STK24: variants seen among roughly 807,000 people sequenced by gnomAD.
STK24 encodes serine/threonine kinase 24.
STK24 carries 21 observed loss-of-function variants against 55.6 expected under a neutral mutation model. The observed-to-expected ratio is 0.38, with a 90% CI of 0.27 to 0.54. STK24 has a LOEUF of 0.54. Ranked by LOEUF, STK24 falls within the 20% of genes least tolerant of loss-of-function variation. STK24 has a pLI of 0.79. For missense variants in STK24, 383 were observed against 538.4 expected (o/e 0.71, Z 2.86); for synonymous variants, 200 against 215.2 (o/e 0.93, Z 0.62).
At chr13:98,520,991 C>T (rs1373023612) in intron 1 of STK24, among the ~76,000 whole-genome samples, 1 of 152,240 alleles carries the variant, frequency 6.6e-6, no homozygotes, top group Non-Finnish European at 1.5e-5. Flanking sequence ...GCGTGGTGGA[C>T]ATATACCCAA....
chr13:98,480,869 C>T (rs1233744934), intron 3 of STK24, among the ~76,000 whole-genome samples: 2 of 152,214 alleles, frequency 1.3e-5, no homozygotes, highest in Non-Finnish European at 2.9e-5. Flanking sequence ...AGACTGTAAG[C>T]GTGAACCACT....
chr13:98,530,171 G>A (rs1173391398), intron 1 of STK24, among the ~76,000 whole-genome samples: 1 of 152,012 alleles, frequency 6.6e-6, no homozygotes, highest in Non-Finnish European at 1.5e-5. Context: ...TTCTGTCTGT[G>A]GCCCCCAGAC....
At chr13:98,474,587 A>T (rs1005535226) in intron 5 of STK24, among the ~76,000 whole-genome samples, 7 of 152,016 alleles carry the variant, frequency 4.6e-5, no homozygotes, top group Admixed American at 2.0e-4. Flanking sequence ...CCAAACAAAC[A>T]TAGCCTGAGT....
chr13:98,571,065 G>C (rs148463809), intron 1 of STK24, among the ~76,000 whole-genome samples: 73 of 152,302 alleles, frequency 4.8e-4, no homozygotes, highest in African/African-American at 1.6e-3. Flanking sequence ...GGGCAGCTCT[G>C]AATCATCGGG....
intron 5 of STK24, among the ~76,000 whole-genome samples, chr13:98,469,540 C>CCG (rs998203914): frequency 7.4e-6 from 1 of 135,560 alleles, no homozygotes; most frequent in Non-Finnish European, 1.7e-5. Flanking sequence ...TGCATCCCCC[C>CCG]CCCCAAAAAA....
chr13:98,521,340 G>C (rs1177050624), intron 1 of STK24, among the ~76,000 whole-genome samples: 1 of 152,016 alleles, frequency 6.6e-6, no homozygotes. Flanking sequence ...GTCTTATGAC[G>C]GTCATACTTA....
intron 2 of STK24, among the ~76,000 whole-genome samples, chr13:98,494,817 G>A (rs1895184318): frequency 6.6e-6 from 1 of 152,226 alleles, no homozygotes. Flanking sequence ...GGTCAGACAT[G>A]CAAATCCAAG....
chr13:98,491,519 A>G (rs1184268313), intron 2 of STK24, among the ~76,000 whole-genome samples: 1 of 152,180 alleles, frequency 6.6e-6, no homozygotes, highest in Non-Finnish European at 1.5e-5. Context: ...GAACAAAACG[A>G]AGCAACTGAA....
At chr13:98,468,662 ACTG>A (rs2139272066) in intron 5 of STK24, among the ~76,000 whole-genome samples, 1 of 152,346 alleles carries the variant, frequency 6.6e-6, no homozygotes, top group African/African-American at 2.4e-5. Flanking sequence ...CATTACAGCT[ACTG>A]CTGTTTTCAA....
chr13:98,486,377 A>G (rs570810755), intron 2 of STK24, among the ~76,000 whole-genome samples: 1 of 152,130 alleles, frequency 6.6e-6, no homozygotes, highest in South Asian at 2.1e-4. Context: ...TGTGCCTCCA[A>G]TGAGATCCCA....
intron 2 of STK24, among the ~76,000 whole-genome samples, chr13:98,513,302 A>T (rs181213219): frequency 6.6e-6 from 1 of 152,208 alleles, no homozygotes; most frequent in East Asian, 1.9e-4. Context: ...CCCTAGAAAC[A>T]CCATTACTTA....
chr13:98,509,019 CAT>C (rs1437827042), intron 2 of STK24: 1 of 152,204 alleles, frequency 6.6e-6, no homozygotes, highest in Non-Finnish European at 1.5e-5. Flanking sequence ...CAGGCCAAAA[CAT>C]ATAGTTTTGG....
chr13:98,541,251 C>A (rs929738733), intron 1 of STK24, among the ~76,000 whole-genome samples: 2 of 151,958 alleles, frequency 1.3e-5, no homozygotes, highest in African/African-American at 4.8e-5. Flanking sequence ...TCCCTGTAAC[C>A]GGCTGCAGGA....
chr13:98,495,733 C>T (rs561658314), intron 2 of STK24, among the ~76,000 whole-genome samples: 2 of 152,292 alleles, frequency 1.3e-5, no homozygotes, highest in Admixed American at 6.5e-5. Context: ...ATATTATCTT[C>T]GGCACTAAGC....
At chr13:98,467,031 T>C (rs1350246135) in intron 5 of STK24, among the ~76,000 whole-genome samples, 1 of 152,140 alleles carries the variant, frequency 6.6e-6, no homozygotes, top group Non-Finnish European at 1.5e-5. Flanking sequence ...TGACGTTAGA[T>C]GAAAGAGCTA....
chr13:98,561,879 A>T (rs1438234488), intron 1 of STK24, among the ~76,000 whole-genome samples: 2 of 147,708 alleles, frequency 1.4e-5, no homozygotes, highest in African/African-American at 2.5e-5. Context: ...CCAGAGGCTG[A>T]GGCATGGGAA....
intron 2 of STK24, among the ~76,000 whole-genome samples, chr13:98,502,911 TA>T (rs1566372381): frequency 6.6e-6 from 1 of 151,962 alleles, no homozygotes; most frequent in African/African-American, 2.4e-5. Flanking sequence ...TTTACAATTT[TA>T]AAAAGGAAAC....
At chr13:98,511,684 A>C (rs1316612604) in intron 2 of STK24, among the ~76,000 whole-genome samples, 1 of 152,178 alleles carries the variant, frequency 6.6e-6, no homozygotes, top group Non-Finnish European at 1.5e-5. Flanking sequence ...AACGCCACTA[A>C]CAAAAGCCAC....
At chr13:98,575,408 CACACACACACACACACACACATAT>C (rs1566412929) in intron 1 of STK24, among the ~76,000 whole-genome samples, 2 of 144,540 alleles carry the variant, frequency 1.4e-5, no homozygotes, top group African/African-American at 5.2e-5. Flanking sequence ...CTTATATATA[CACACACACACACACACACACATAT>C]ACACACACAC....
Sources: gnomAD v4.1 joint callset for allele counts (sites outside exome capture counted in the v4.1 genomes callset) on GRCh38, gnomAD v4.1.1 for gene constraint, MANE v1.5 for transcripts, NCBI Gene and HGNC (gene_info 2026-07-23, HGNC 2026-07-21) for gene names.